FAM135B: variants seen among roughly 807,000 people sequenced by gnomAD.
The protein encoded by FAM135B is family with sequence similarity 135 member B, also known as protein FAM135B.
FAM135B carries 43 observed loss-of-function variants against 127.7 expected under a neutral mutation model. The ratio of observed to expected loss-of-function variants is 0.34; its 90% confidence interval spans 0.26 to 0.43. The LOEUF is 0.43. Ranked by LOEUF, FAM135B falls within the 20% of genes least tolerant of loss-of-function variation. The pLI is 1.00. For synonymous variants in FAM135B, 670 were observed against 665.1 expected, an observed-to-expected ratio of 1.01 and a Z score of -0.11; for missense variants, 1,558 against 1,725.6, an observed-to-expected ratio of 0.90 and a Z score of 1.72.
chr8:138,187,624 A>G (rs1815701679), intron 9 of FAM135B, among the ~76,000 whole-genome samples: 1 of 152,218 alleles, frequency 6.6e-6, no homozygotes. Context: ...ATACATACAC[A>G]TACATACATA....
At chr8:138,194,206 A>G (rs1816414230) in intron 9 of FAM135B, among the ~76,000 whole-genome samples, 2 of 152,110 alleles carry the variant, frequency 1.3e-5, no homozygotes, top group Admixed American at 6.5e-5. Flanking sequence ...TTTCCCTGTT[A>G]TCGCTACAAG....
intron 1 of FAM135B, among the ~76,000 whole-genome samples, chr8:138,485,507 TACAATAG>T (rs1376071270): frequency 2.6e-5 from 4 of 152,240 alleles, no homozygotes; most frequent in Admixed American, 6.5e-5. Context: ...TGCCAAGTAT[TACAATAG>T]AAGCTGTTTA....
intron 7 of FAM135B, among the ~76,000 whole-genome samples, chr8:138,219,686 TCTCTTAAATGACTCACTTTAC>T (rs1055114283): frequency 5.3e-5 from 8 of 152,186 alleles, no homozygotes; most frequent in Non-Finnish European, 1.2e-4. Context: ...GTTCATTCTC[TCTCTTAAATGACTCACTTTAC>T]CTCTTAAATG....
chr8:138,381,115 C>T (rs1563953775), intron 1 of FAM135B, among the ~76,000 whole-genome samples: 1 of 152,120 alleles, frequency 6.6e-6, no homozygotes, highest in Admixed American at 6.5e-5. Context: ...AGACCCAGCC[C>T]TCTTTCAAGT....
At chr8:138,270,837 G>A (rs777971082) in intron 3 of FAM135B, among the ~76,000 whole-genome samples, 3 of 152,208 alleles carry the variant, frequency 2.0e-5, no homozygotes, top group Admixed American at 6.5e-5. Flanking sequence ...GGGGACAAAC[G>A]TTTAAATCAT....
chr8:138,242,018 T>C lies in FAM135B; in HGVS notation c.669+924A>G, dbSNP rs981165972. Among the ~76,000 whole-genome samples the C allele has an allele frequency of 6.6e-6, 1 of 152,170 alleles. No individual in the cohort carries two copies. The highest frequency in any genetic ancestry group is 1.5e-5 in the Non-Finnish European group (1 of 68,036). ...GGACTTAGACTTGCAAGGGGCCTTA[T>C]AACACTAGCTTTCCTGGTTCTGAGG... is the stretch of plus-strand genomic sequence containing the variant. On this transcript the variant is annotated intron_variant, in intron 7 of 19. Coordinates refer to ENST00000395297, the MANE Select transcript of FAM135B (RefSeq NM_015912.4). The surrounding 1 kb of genome is among the most constrained non-coding windows in gnomAD (Gnocchi z 9.6).
chr8:138,228,217 C>T (rs146514395), intron 7 of FAM135B, among the ~76,000 whole-genome samples: 2 of 152,168 alleles, frequency 1.3e-5, no homozygotes, highest in South Asian at 2.1e-4. Flanking sequence ...CAAGAGACCT[C>T]AGTTGGAGGT....
At chr8:138,410,042 G>A (rs916757840) in intron 1 of FAM135B, among the ~76,000 whole-genome samples, 3 of 152,122 alleles carry the variant, frequency 2.0e-5, no homozygotes, top group Non-Finnish European at 4.4e-5. Flanking sequence ...ATGAGACACT[G>A]TCAATATTTT....
chr8:138,285,507 C>T (rs1253946320), intron 3 of FAM135B, among the ~76,000 whole-genome samples: 1 of 152,122 alleles, frequency 6.6e-6, no homozygotes, highest in East Asian at 1.9e-4. Context: ...GACAGAGATA[C>T]CTTTCTCTAC....
chr8:138,476,126 T>C (rs918006494), intron 1 of FAM135B, among the ~76,000 whole-genome samples: 1 of 152,166 alleles, frequency 6.6e-6, no homozygotes, highest in Admixed American at 6.6e-5. Flanking sequence ...GGATACATAC[T>C]GTATGATTCT....
chr8:138,293,876 C>A (rs909133167), intron 3 of FAM135B, among the ~76,000 whole-genome samples: 3 of 152,046 alleles, frequency 2.0e-5, no homozygotes, highest in Non-Finnish European at 4.4e-5. Flanking sequence ...ACCGTTTGAC[C>A]CAACAATCCC....
chr8:138,338,638 A>G (rs945754490), intron 2 of FAM135B, among the ~76,000 whole-genome samples: 11 of 151,108 alleles, frequency 7.3e-5, no homozygotes, highest in South Asian at 6.3e-4. Flanking sequence ...GTGGAGAAAT[A>G]GGAACACTTT....
chr8:138,144,338 G>T (rs1473220460), intron 15 of FAM135B: 7 of 152,250 alleles, frequency 4.6e-5, no homozygotes, highest in African/African-American at 1.7e-4. Context: ...CTGAACCCAG[G>T]AGGTGGAGGT....
chr8:138,357,485 T>C (rs80128978), intron 2 of FAM135B, among the ~76,000 whole-genome samples: 2,307 of 152,252 alleles, frequency 0.015, 52 homozygotes, highest in African/African-American at 0.052. Flanking sequence ...AGTTTGTGCC[T>C]AGTGAAAGAA....
chr8:138,413,313 C>T (rs1229707813), intron 1 of FAM135B, among the ~76,000 whole-genome samples: 1 of 152,068 alleles, frequency 6.6e-6, no homozygotes, highest in African/African-American at 2.4e-5. Context: ...CCCTTTCATA[C>T]TTCCAAGTCT....
chr8:138,360,485 A>C (rs1383042024), intron 2 of FAM135B, among the ~76,000 whole-genome samples: 2 of 152,246 alleles, frequency 1.3e-5, no homozygotes, highest in African/African-American at 4.8e-5. Context: ...AGAATGCATA[A>C]ATGGAGTTAA....
At chr8:138,221,705 T>C (rs374582789) in intron 7 of FAM135B, among the ~76,000 whole-genome samples, 1 of 152,156 alleles carries the variant, frequency 6.6e-6, no homozygotes, top group Non-Finnish European at 1.5e-5. Context: ...ACCTCAGTGA[T>C]TGGGTAAAAT....
chr8:138,398,028 G>A (rs1587348177), intron 1 of FAM135B, among the ~76,000 whole-genome samples: 2 of 152,278 alleles, frequency 1.3e-5, no homozygotes, highest in Non-Finnish European at 1.5e-5. Context: ...GAGCTCTCCT[G>A]GACCTTCTGA....
At chr8:138,251,574 T>C (rs1474609545) in intron 5 of FAM135B, among the ~76,000 whole-genome samples, 4 of 152,226 alleles carry the variant, frequency 2.6e-5, no homozygotes, top group Non-Finnish European at 1.5e-5. Flanking sequence ...AAAGAATGAA[T>C]GACTCCCAAA....
Sources: gnomAD v4.1 joint callset for allele counts (sites outside exome capture counted in the v4.1 genomes callset) on GRCh38, gnomAD v4.1.1 for gene constraint, Gnocchi (gnomAD v3.1) non-coding constraint, MANE v1.5 for transcripts, NCBI Gene and HGNC (gene_info 2026-07-23, HGNC 2026-07-21) for gene names.